The following TOP1MT variants were observed in gnomAD, a reference collection of about 807,000 sequenced individuals.
The protein encoded by TOP1MT is DNA topoisomerase I mitochondrial.
A neutral mutation model predicts 73.9 loss-of-function variants in TOP1MT; 80 were observed. The ratio of observed to expected loss-of-function variants is 1.08; its 90% CI spans 0.90 to 1.30. The LOEUF is 1.30. Ranked by LOEUF, TOP1MT falls within the 50% of genes most tolerant of loss-of-function variation. TOP1MT has a pLI of 0.00. For missense variants in TOP1MT, 815 were observed against 808.0 expected, an observed-to-expected ratio of 1.01 and a Z score of -0.10; for synonymous variants, 338 against 326.4, an observed-to-expected ratio of 1.04 and a Z score of -0.38.
intron 2 of TOP1MT, among the ~76,000 whole-genome samples, chr8:143,330,912 G>A (rs2130310305): frequency 7.3e-6 from 1 of 136,660 alleles, no homozygotes; most frequent in South Asian, 2.6e-4. Flanking sequence ...TGTATACTCA[G>A]AACACACAGG....
intron 8 of TOP1MT, among the ~76,000 whole-genome samples, chr8:143,319,571 A>G (rs1254995081): frequency 6.6e-6 from 1 of 150,996 alleles, no homozygotes; most frequent in African/African-American, 2.4e-5. Flanking sequence ...CAGGACAGCC[A>G]TTCAAAGGTG....
intron 12 of TOP1MT, chr8:143,310,577 G>C (rs904865908): frequency 1.1e-5 from 2 of 183,238 alleles, no homozygotes; most frequent in Admixed American, 1.2e-4. Context: ...CCGGGAAGCC[G>C]CTAAGCCCTC....
chr8:143,334,724 C>T lies in TOP1MT; in HGVS notation c.122+16G>A. The T allele has an allele frequency of 6.3e-7, 1 of 1,599,984 alleles. No homozygotes were observed. ...GTGCTCAGGGCCCTCGCCGCCTGCT[C>T]ACTGGGACACCTTACCTGGCTCCAC... On this transcript the variant is annotated intron_variant, in intron 1 of 13. Coordinates refer to ENST00000329245, the MANE Select transcript of TOP1MT (RefSeq NM_052963.3).
chr8:143,334,720 T>G lies in TOP1MT; in HGVS notation c.122+20A>C. ...CCCGGTGCTCAGGGCCCTCGCCGCC[T>G]GCTCACTGGGACACCTTACCTGGCT... On this transcript the variant is annotated intron_variant, in intron 1 of 13. Transcript: ENST00000329245. 7 of 1,599,144 alleles carry G rather than the reference T, an allele frequency of 4.4e-6. No individual in the cohort carries two copies. The highest frequency in any genetic ancestry group is 5.1e-6 in the Non-Finnish European group (6 of 1,173,810).
upstream of TOP1MT, among the ~76,000 whole-genome samples, chr8:143,347,763 A>T (rs370253765): frequency 2.6e-5 from 4 of 152,234 alleles, no homozygotes; most frequent in East Asian, 7.7e-4. Context: ...CAGGAACTTT[A>T]TAAAGCACAA....
upstream of TOP1MT, among the ~76,000 whole-genome samples, chr8:143,357,225 G>A (rs1387862899): frequency 6.6e-6 from 1 of 151,326 alleles, no homozygotes; most frequent in Non-Finnish European, 1.5e-5. Flanking sequence ...AACATAGGGA[G>A]ATAGGGAGAT....
At chr8:143,347,684 GCAGGCAGC>G (rs1436998685), upstream of TOP1MT, among the ~76,000 whole-genome samples, 154 of 121,202 alleles carry the variant, frequency 1.3e-3, 2 homozygotes, top group African/African-American at 1.8e-3. Context: ...ACCACAGCAG[GCAGGCAGC>G]CAGCCAGCCA....
At chr8:143,353,759 T>C (rs891820848) in intron 1 of TOP1MT, among the ~76,000 whole-genome samples, 8 of 151,126 alleles carry the variant, frequency 5.3e-5, no homozygotes, top group African/African-American at 1.9e-4. Context: ...AGGTCAGGAG[T>C]TTGAGACCAG....
intron 7 of TOP1MT, among the ~76,000 whole-genome samples, chr8:143,321,645 A>G (rs1563758048): frequency 9.9e-5 from 7 of 70,704 alleles, no homozygotes; most frequent in African/African-American, 2.8e-4. Flanking sequence ...GGCACGCCAC[A>G]CACAGGCACG....
chr8:143,321,176 G>C (rs1008825719), intron 8 of TOP1MT, 25 bp downstream of exon 8: 5 of 1,553,308 alleles, frequency 3.2e-6, no homozygotes, highest in African/African-American at 2.7e-5. Flanking sequence ...CACATAGCGG[G>C]GGCAGCTGGC....
Position 143,341,794 on chromosome 8 carries a change from A to T in TOP1MT, c.29+1426T>A, listed in dbSNP as rs561601299. On this transcript the variant is annotated intron_variant, in intron 2 of 5. Coordinates refer to the TOP1MT transcript ENST00000518007. The surrounding 1 kb of genome is among the most constrained non-coding windows in gnomAD (Gnocchi z 4.1). The stretch of plus-strand genomic sequence containing the variant: ...GAAGGTCACAGAGCACTATCCCGAC[A>T]CCACTGCCCCATCTAGTGCTTCCTT... 6.6e-6 allele frequency among the ~76,000 whole-genome samples: 1 copy of T among 152,080 alleles called. No individual in the cohort carries two copies. The highest frequency in any genetic ancestry group is 2.4e-5 in the African/African-American group (1 of 41,510).
In TOP1MT at chr8:143,323,572, C is replaced by T. The variant is rs1563761402; in HGVS notation, c.960+427G>A. On this transcript the variant is annotated intron_variant, in intron 7 of 13. Transcript: ENST00000329245. ...CACACGCACGCCACACACATGCACGCCACACACACAGGCACGCCACACACA... is the reference window on the plus strand; with the variant it reads ...CACACGCACGCCACACACATGCACGTCACACACACAGGCACGCCACACACA... Among the ~76,000 whole-genome samples the T allele has an allele frequency of 8.0e-3, 512 of 64,004 alleles. 21 individuals carry two copies. Among genetic ancestry groups the T allele is most frequent in the East Asian group, 0.026 (19 of 728 alleles). The allele number at this position is 64,004 out of a possible 152,430, so 42.0% of individuals were successfully genotyped here.
intron 8 of TOP1MT, among the ~76,000 whole-genome samples, 153 bp downstream of exon 8, chr8:143,321,048 C>T (rs548504448): frequency 6.6e-6 from 1 of 152,276 alleles, no homozygotes; most frequent in East Asian, 1.9e-4. Flanking sequence ...TCTCCTTCAC[C>T]TTTACCCCGA....
chr8:143,342,453 CAG>C (rs1234790445), intron 2 of TOP1MT, among the ~76,000 whole-genome samples: 7 of 119,672 alleles, frequency 5.8e-5, no homozygotes, highest in East Asian at 2.3e-4. Context: ...TTATTAGAGA[CAG>C]AGTCTCGCTC....
intron 8 of TOP1MT, among the ~76,000 whole-genome samples, chr8:143,320,605 T>C (rs1438448143): frequency 3.3e-5 from 5 of 152,218 alleles, no homozygotes; most frequent in African/African-American, 9.6e-5. Flanking sequence ...CTTTAGAGAC[T>C]GATAAGATGA....
At chr8:143,322,012 C>G (rs1466839491) in intron 7 of TOP1MT, among the ~76,000 whole-genome samples, 5 of 116,304 alleles carry the variant, frequency 4.3e-5, no homozygotes, top group Admixed American at 9.2e-5. Flanking sequence ...CACACATGCA[C>G]GCCACACCCA....
chr8:143,323,720 C>T (rs202009165), intron 7 of TOP1MT, among the ~76,000 whole-genome samples: 7 of 71,126 alleles, frequency 9.8e-5, no homozygotes, highest in Non-Finnish European at 1.9e-4. Context: ...CACACATGCA[C>T]GCCACACACA....
At chr8:143,336,779 T>TC (rs1251092096), upstream of TOP1MT, among the ~76,000 whole-genome samples, 1 of 151,580 alleles carries the variant, frequency 6.6e-6, no homozygotes, top group Non-Finnish European at 1.5e-5. Context: ...GCCAAGGAGT[T>TC]CAAGACCAGC....
chr8:143,326,157 G>GGGCCA, intron 4 of TOP1MT, 65 bp downstream of exon 4: 1 of 1,589,868 alleles, frequency 6.3e-7, no homozygotes, highest in Non-Finnish European at 8.6e-7. Flanking sequence ...CTCAGTCTTT[G>GGGCCA]GGCCAGGCCG....
Sources: allele counts gnomAD v4.1 joint callset (sites outside exome capture counted in the v4.1 genomes callset), GRCh38; gene constraint gnomAD v4.1.1; non-coding constraint Gnocchi (gnomAD v3.1); transcripts MANE v1.5; gene names NCBI Gene and HGNC (gene_info 2026-07-23, HGNC 2026-07-21).